The following C4orf17 variants were observed in gnomAD, a reference collection of about 807,000 sequenced individuals.
C4orf17 encodes the protein uncharacterized protein C4orf17.
In C4orf17, 25 loss-of-function variants were observed where a neutral mutation model predicts 32.0. The ratio of observed to expected loss-of-function variants is 0.78; its 90% CI spans 0.57 to 1.09. The LOEUF (loss-of-function observed/expected upper bound fraction) is 1.09, where lower values mean the gene tolerates loss of function less well. Ranked by LOEUF, C4orf17 falls within the 50% of genes least tolerant of loss-of-function variation. C4orf17 has a pLI of 0.00. For synonymous variants in C4orf17, 149 were observed against 145.8 expected, an observed-to-expected ratio of 1.02 and a Z score of -0.16; for missense variants, 420 against 420.0, an observed-to-expected ratio of 1.00 and a Z score of 0.00.
intron 5 of C4orf17, among the ~76,000 whole-genome samples, chr4:99,533,478 G>T (rs1050934852): frequency 6.6e-6 from 1 of 152,160 alleles, no homozygotes; most frequent in Non-Finnish European, 1.5e-5. Flanking sequence ...CCAGACTTCT[G>T]CCTGGGGCAC....
chr4:99,521,774 C>T (rs192508431), intron 2 of C4orf17, among the ~76,000 whole-genome samples: 4 of 152,240 alleles, frequency 2.6e-5, no homozygotes, highest in Admixed American at 1.3e-4. Flanking sequence ...AAAGCAATGC[C>T]CGGCACACCC....
intron 2 of C4orf17, among the ~76,000 whole-genome samples, chr4:99,520,821 T>C (rs1051128321): frequency 7.2e-5 from 11 of 152,210 alleles, no homozygotes; most frequent in Non-Finnish European, 1.5e-4. Flanking sequence ...ATATACTTGA[T>C]TTTTAAAAAT....
chr4:99,523,349 A>G (rs1455839216), intron 3 of C4orf17, among the ~76,000 whole-genome samples: 1 of 152,230 alleles, frequency 6.6e-6, no homozygotes, highest in Non-Finnish European at 1.5e-5. Flanking sequence ...TTTACATGCT[A>G]TTACTAAAAC....
At position 99,513,182 on chromosome 4, in the gene C4orf17, A is replaced by C. The variant is rs1466975172; in HGVS notation, c.101A>C (p.His34Pro). The C allele has an allele frequency of 6.2e-7, 1 of 1,613,920 alleles. No homozygotes were observed. Among genetic ancestry groups the C allele is most frequent in the Non-Finnish European group, 8.5e-7 (1 of 1,179,844 alleles). The change falls in exon 2 of 9, where the codon CAT becomes CCT. Residue 34 changes from histidine (H) to proline (P), a missense_variant. By Grantham distance (77) the His-to-Pro change is moderately conservative (BLOSUM62 -2). Coordinates refer to ENST00000326581, the MANE Select transcript of C4orf17 (RefSeq NM_032149.3). ...TGCTTTCTAGTCAGGCACACCCCTC[A>C]TCCCAGAAGAGTCTGCCACATCAAA... is the stretch of plus-strand genomic sequence containing the variant. ...VSCFLVRHTP[H>P]PRRVCHIKGL...
At chr4:99,518,490 A>C in intron 2 of C4orf17, among the ~76,000 whole-genome samples, 1 of 3,796 alleles carries the variant, frequency 2.6e-4, no homozygotes, top group Admixed American at 5.6e-3. Flanking sequence ...CTCTTTAAAA[A>C]AAAAAAAAAA....
chr4:99,527,501 G>T (rs113389669), intron 4 of C4orf17, among the ~76,000 whole-genome samples: 1 of 152,132 alleles, frequency 6.6e-6, no homozygotes, highest in Non-Finnish European at 1.5e-5. Flanking sequence ...ATGGTGGGGT[G>T]GGGGGAATGG....
chr4:99,513,322 T>C, intron 2 of C4orf17, 114 bp downstream of exon 2: 1 of 1,340,332 alleles, frequency 7.5e-7, no homozygotes, highest in Non-Finnish European at 1.0e-6. Flanking sequence ...ACTGGAGAGG[T>C]ATGGGAATTG....
chr4:99,538,153 C>T (rs1723591171), intron 6 of C4orf17, among the ~76,000 whole-genome samples: 2 of 152,204 alleles, frequency 1.3e-5, no homozygotes, highest in Non-Finnish European at 2.9e-5. Context: ...GAAGAGCTAT[C>T]CAACCTGTAA....
chr4:99,514,922 A>C (rs561789875), intron 2 of C4orf17, among the ~76,000 whole-genome samples: 2 of 152,234 alleles, frequency 1.3e-5, no homozygotes, highest in African/African-American at 4.8e-5. Context: ...CTACTCAGCC[A>C]TAAAGAGGAA....
intron 2 of C4orf17, among the ~76,000 whole-genome samples, chr4:99,520,112 C>T (rs980436416): frequency 2.2e-5 from 3 of 136,472 alleles, no homozygotes; most frequent in Admixed American, 8.1e-5. Context: ...TTTTTTGAGA[C>T]GGAGTCTCGC....
At chr4:99,533,492 C>G (rs185854798) in intron 5 of C4orf17, among the ~76,000 whole-genome samples, 66 of 152,258 alleles carry the variant, frequency 4.3e-4, no homozygotes, top group African/African-American at 1.5e-3. Context: ...GGGGCACATG[C>G]CTAATCATGG....
In C4orf17 at chr4:99,513,204, C is replaced by G; in HGVS notation, c.123C>G (p.Ile41Met). The change falls in exon 2 of 9, where the codon ATC becomes ATG. Residue 41 changes from isoleucine (I) to methionine (M), a missense_variant. By Grantham distance (10) the Ile-to-Met change is conservative (BLOSUM62 1). Transcript: ENST00000326581. The stretch of plus-strand genomic sequence containing the variant: ...CTCATCCCAGAAGAGTCTGCCACAT[C>G]AAAGGTAAGGTGACTTAAGGTCCTA... ...HTPHPRRVCH[I>M]KGLNNIPICT... is the part of the protein sequence containing the mutation. 1 of 1,613,798 alleles carries G rather than the reference C, an allele frequency of 6.2e-7. No homozygotes were observed. The highest frequency in any genetic ancestry group is 8.5e-7 in the Non-Finnish European group (1 of 1,179,784).
chr4:99,515,361 C>A lies in C4orf17; in HGVS notation c.127+2153C>A, dbSNP rs558954809. On this transcript the variant is annotated intron_variant, in intron 2 of 8. Transcript: ENST00000326581. The stretch of plus-strand genomic sequence containing the variant: ...TACATATACACCATGGAATACTCTG[C>A]AGCCATAAAAAGAATGAGATCATGT... 2.6e-5 allele frequency among the ~76,000 whole-genome samples: 4 copies of A among 152,242 alleles called. No homozygotes were observed. The South Asian group carries it at 8.3e-4, about 32-fold the overall frequency.
At position 99,530,711 on chromosome 4, in the gene C4orf17, CAA is replaced by C. The variant is rs1472956017; in HGVS notation, c.546+755_546+756del. Among the ~76,000 whole-genome samples, 3 of 152,108 alleles carry C rather than the reference CAA, an allele frequency of 2.0e-5. No individual in the cohort carries two copies. In the East Asian group the frequency reaches 5.8e-4, roughly 29 times the overall value. ...AGAGATGGTTATTGAATAAGCCTAA[CAA>C]AGAAGTATTTTAAAAGTAGAGCACA... On this transcript the variant is annotated intron_variant, in intron 5 of 8. Coordinates refer to ENST00000326581, the MANE Select transcript of C4orf17 (RefSeq NM_032149.3).
chr4:99,522,906 T>C (rs1412525503), intron 3 of C4orf17, among the ~76,000 whole-genome samples, 197 bp downstream of exon 3: 1 of 152,172 alleles, frequency 6.6e-6, no homozygotes, highest in Non-Finnish European at 1.5e-5. Flanking sequence ...AAAATGTTAT[T>C]ACCATTACTA....
chr4:99,524,292 G>A (rs562572746), intron 3 of C4orf17, among the ~76,000 whole-genome samples: 4 of 152,154 alleles, frequency 2.6e-5, no homozygotes, highest in South Asian at 4.2e-4. Context: ...AGCATTTGCC[G>A]TGTGTTTTTA....
chr4:99,526,418 T>C (rs1723388208), intron 4 of C4orf17, among the ~76,000 whole-genome samples: 2 of 152,356 alleles, frequency 1.3e-5, no homozygotes, highest in Middle Eastern at 3.4e-3. Context: ...CTTGTGTCTA[T>C]GAGGAATATT....
chr4:99,512,987 AG>A lies in C4orf17; in HGVS notation c.-92del. 1 of 1,256,666 alleles carries A rather than the reference AG, an allele frequency of 8.0e-7. No homozygotes were observed. Among genetic ancestry groups the A allele is most frequent in the African/African-American group, 1.5e-5 (1 of 67,368 alleles). The allele number at this position is 1,256,666 out of a possible 1,614,324, so 77.8% of individuals were successfully genotyped here. A position where few individuals can be genotyped will look rare whatever the true frequency, so the allele number is the denominator to read the frequency against. ...AGAATGTTTGTCATTTTGTGATTTC[AG>A]GGTCTGAGCACATCTGGAAGTGAGG... On this transcript the variant is annotated splice_acceptor_variant, in intron 1 of 8. Transcript: ENST00000326581. LOFTEE classifies it low-confidence loss of function (5UTR_SPLICE).
intron 4 of C4orf17, among the ~76,000 whole-genome samples, chr4:99,527,877 C>T (rs1723417050): frequency 1.3e-5 from 2 of 152,142 alleles, no homozygotes; most frequent in African/African-American, 4.8e-5. Context: ...TATTTTGAAG[C>T]TCTCTTATTA....
Sources: gnomAD v4.1 joint callset for allele counts (sites outside exome capture counted in the v4.1 genomes callset) on GRCh38, gnomAD v4.1.1 for gene constraint, MANE v1.5 for transcripts, NCBI Gene and HGNC (gene_info 2026-07-23, HGNC 2026-07-21) for gene names.